Variants in RIMS1 observed in about 807,000 individuals in gnomAD.
RIMS1 encodes the protein regulating synaptic membrane exocytosis protein 1.
A neutral mutation model predicts 214.1 loss-of-function variants in RIMS1; 83 were observed. The ratio of observed to expected loss-of-function variants is 0.39; its 90% CI spans 0.32 to 0.47. The LOEUF (loss-of-function observed/expected upper bound fraction) is 0.47. Among genes scored for constraint, RIMS1 ranks in the 20% least tolerant of loss-of-function variants. The pLI, the probability that RIMS1 is intolerant of heterozygous loss-of-function variation, is 0.99. For synonymous variants in RIMS1, 793 were observed against 786.8 expected, an observed-to-expected ratio of 1.01 and a Z score of -0.13; for missense variants, 2,050 against 2,161.8, an observed-to-expected ratio of 0.95 and a Z score of 1.03.
chr6:72,359,980 A>G (rs547950724), intron 29 of RIMS1, among the ~76,000 whole-genome samples: 174 of 152,336 alleles, frequency 1.1e-3, no homozygotes, highest in Non-Finnish European at 2.1e-3. Flanking sequence ...TTAAAATGCA[A>G]TAGTTTTCAT....
chr6:71,933,117 G>A (rs540674565), intron 1 of RIMS1, among the ~76,000 whole-genome samples: 1 of 152,086 alleles, frequency 6.6e-6, no homozygotes, highest in Non-Finnish European at 1.5e-5. Context: ...TGGGAGAGTG[G>A]GGAGTAAGGT....
chr6:72,126,259 A>T (rs1457250697), intron 4 of RIMS1, among the ~76,000 whole-genome samples: 1 of 152,204 alleles, frequency 6.6e-6, no homozygotes, highest in Non-Finnish European at 1.5e-5. Context: ...CTTACCTTAA[A>T]CAAAAATCAG....
chr6:72,299,420 T>G (rs566674810), intron 26 of RIMS1, among the ~76,000 whole-genome samples: 3 of 152,012 alleles, frequency 2.0e-5, no homozygotes, highest in Non-Finnish European at 2.9e-5. Context: ...AATAGCATTT[T>G]GGTGCTTTTT....
At chr6:72,256,218 C>T (rs920568115) in intron 16 of RIMS1, among the ~76,000 whole-genome samples, 5 of 151,902 alleles carry the variant, frequency 3.3e-5, no homozygotes. Context: ...TAAGGTCATT[C>T]ACTATAGAGT....
At chr6:72,193,935 T>A (rs1482292947) in intron 6 of RIMS1, among the ~76,000 whole-genome samples, 1 of 151,876 alleles carries the variant, frequency 6.6e-6, no homozygotes, top group Non-Finnish European at 1.5e-5. Flanking sequence ...GGGAAGAAAT[T>A]TTTTTTTAGA....
At chr6:72,399,346 T>G (rs902653299) in intron 33 of RIMS1, among the ~76,000 whole-genome samples, 7 of 152,018 alleles carry the variant, frequency 4.6e-5, no homozygotes, top group Non-Finnish European at 1.0e-4. Context: ...TATCCTCTCC[T>G]TCTAGCTTTG....
At chr6:72,265,330 C>T in intron 20 of RIMS1, 60 bp from the exon 21 acceptor site, 3 of 959,236 alleles carry the variant, frequency 3.1e-6, no homozygotes, top group Non-Finnish European at 4.7e-6. Context: ...TATTGTTGTA[C>T]TTGTTGATTT....
At chr6:71,955,830 G>A (rs1791094930) in intron 1 of RIMS1, among the ~76,000 whole-genome samples, 4 of 151,932 alleles carry the variant, frequency 2.6e-5, no homozygotes, top group African/African-American at 9.7e-5. Context: ...TAACTACTTA[G>A]TGTCAAAACT....
chr6:72,080,327 C>T (rs1353452279), intron 2 of RIMS1, among the ~76,000 whole-genome samples: 1 of 152,036 alleles, frequency 6.6e-6, no homozygotes, highest in Non-Finnish European at 1.5e-5. Context: ...TGCCTACCTG[C>T]ACAGACTCTG....
chr6:72,352,731 G>A (rs867685215), intron 29 of RIMS1, among the ~76,000 whole-genome samples: 1 of 152,000 alleles, frequency 6.6e-6, no homozygotes, highest in South Asian at 2.1e-4. Context: ...ACATATATCT[G>A]ACTACTAAAA....
chr6:72,360,630 C>T (rs2097782606), intron 29 of RIMS1, among the ~76,000 whole-genome samples: 1 of 151,034 alleles, frequency 6.6e-6, no homozygotes, highest in Admixed American at 6.6e-5. Flanking sequence ...AAGGGAAATA[C>T]ATATCTACAT....
intron 4 of RIMS1, among the ~76,000 whole-genome samples, chr6:72,169,567 C>T: frequency 6.6e-6 from 1 of 152,076 alleles, no homozygotes; most frequent in Non-Finnish European, 1.5e-5. Context: ...TTAGGAATTC[C>T]CTATATTTTA....
intron 1 of RIMS1, among the ~76,000 whole-genome samples, chr6:71,905,360 G>T (rs1774958785): frequency 1.3e-5 from 2 of 152,062 alleles, no homozygotes; most frequent in East Asian, 1.9e-4. Flanking sequence ...TGTGAATCAG[G>T]TGGCCCTCTT....
At chr6:71,938,694 A>G (rs1400142307) in intron 1 of RIMS1, among the ~76,000 whole-genome samples, 1 of 152,110 alleles carries the variant, frequency 6.6e-6, no homozygotes, top group East Asian at 1.9e-4. Context: ...CCCCTGAAAC[A>G]TTCCTGCCTT....
intron 2 of RIMS1, among the ~76,000 whole-genome samples, chr6:71,978,468 A>G (rs190657036): frequency 1.3e-5 from 2 of 152,058 alleles, no homozygotes; most frequent in African/African-American, 4.8e-5. Context: ...AGATTCAATA[A>G]TTTTCTAGGT....
At chr6:71,983,453 T>A (rs1233151764) in intron 2 of RIMS1, among the ~76,000 whole-genome samples, 4 of 152,132 alleles carry the variant, frequency 2.6e-5, no homozygotes, top group South Asian at 2.1e-4. Context: ...GGGTTTTTTT[T>A]ATTATTGACA....
At chr6:71,985,690 G>A (rs988209664) in intron 2 of RIMS1, among the ~76,000 whole-genome samples, 1 of 151,970 alleles carries the variant, frequency 6.6e-6, no homozygotes, top group Admixed American at 6.6e-5. Flanking sequence ...TTTTTATTTA[G>A]TTAGTTTTTG....
intron 29 of RIMS1, among the ~76,000 whole-genome samples, chr6:72,375,871 A>G (rs1249086917): frequency 2.6e-5 from 4 of 152,204 alleles, no homozygotes; most frequent in Non-Finnish European, 4.4e-5. Flanking sequence ...TTATCTGCCA[A>G]TAAAATTCCA....
chr6:72,278,658 ACT>A (rs777677485), intron 23 of RIMS1, among the ~76,000 whole-genome samples: 3 of 152,034 alleles, frequency 2.0e-5, no homozygotes, highest in Non-Finnish European at 4.4e-5. Context: ...TTTCAAAAAT[ACT>A]CTTTCTTTGA....
Sources: allele counts gnomAD v4.1 joint callset (sites outside exome capture counted in the v4.1 genomes callset), GRCh38; gene constraint gnomAD v4.1.1; transcripts MANE v1.5; gene names NCBI Gene and HGNC (gene_info 2026-07-23, HGNC 2026-07-21).